The following KIAA1671 variants were observed in gnomAD, a reference collection of about 807,000 sequenced individuals.
The protein encoded by KIAA1671 is KIAA1671, also known as uncharacterized protein KIAA1671.
In KIAA1671, 52 loss-of-function variants were observed where a neutral mutation model predicts 131.2. That is an observed-to-expected ratio of 0.40 (90% CI 0.32 to 0.50). The LOEUF is 0.50. Ranked by LOEUF, KIAA1671 falls within the 20% of genes least tolerant of loss-of-function variation. The probability of loss-of-function intolerance (pLI) is 0.73; values close to 1 mark genes in which losing one functional copy is unlikely to be tolerated. For missense variants in KIAA1671, 2,360 were observed against 2,364.2 expected (o/e 1.00, Z 0.04); for synonymous variants, 1,003 against 961.6 (o/e 1.04, Z -0.80).
intron 6 of KIAA1671, among the ~76,000 whole-genome samples, chr22:25,103,567 C>T (rs1930824964): frequency 6.6e-6 from 1 of 152,118 alleles, no homozygotes; most frequent in African/African-American, 2.4e-5. Context: ...ACCGTGTTAG[C>T]CAGGATAGTC....
intron 1 of KIAA1671, among the ~76,000 whole-genome samples, chr22:24,963,232 C>T (rs1602028958): frequency 6.6e-6 from 1 of 151,752 alleles, no homozygotes; most frequent in African/African-American, 2.4e-5. Context: ...GGCTTTGTGG[C>T]GGACACCTGT....
intron 6 of KIAA1671, chr22:25,053,642 C>T (rs1927668848): frequency 6.6e-6 from 1 of 152,168 alleles, no homozygotes; most frequent in Non-Finnish European, 1.5e-5. Context: ...TTTTCTCCGT[C>T]AGCCTCCTGG....
At chr22:25,046,426 C>CTCTCCATCCCTTCCTG in intron 5 of KIAA1671, among the ~76,000 whole-genome samples, 1 of 152,224 alleles carries the variant, frequency 6.6e-6, no homozygotes, top group Non-Finnish European at 1.5e-5. Context: ...ATCCCTTCCT[C>CTCTCCATCCCTTCCTG]TCTCCATCCC....
chr22:25,147,068 T>A (rs1400229099), intron 6 of KIAA1671, among the ~76,000 whole-genome samples: 2 of 152,070 alleles, frequency 1.3e-5, no homozygotes, highest in Non-Finnish European at 2.9e-5. Context: ...GGAGGGAGGG[T>A]GAGGGATGCT....
chr22:25,008,195 CGCA>C (rs1158286227), intron 1 of KIAA1671, among the ~76,000 whole-genome samples: 3 of 32,830 alleles, frequency 9.1e-5, no homozygotes, highest in Non-Finnish European at 1.8e-4. Context: ...GAGACTCCGT[CGCA>C]AAAAAAAAAA....
At chr22:25,093,810 C>CTCTT (rs1930229621) in intron 6 of KIAA1671, among the ~76,000 whole-genome samples, 1 of 111,060 alleles carries the variant, frequency 9.0e-6, no homozygotes, top group African/African-American at 3.7e-5. Context: ...CTCTCTCTCT[C>CTCTT]TGTCTCTCTC....
intron 6 of KIAA1671, among the ~76,000 whole-genome samples, chr22:25,152,126 C>T (rs949563230): frequency 6.6e-6 from 1 of 152,174 alleles, no homozygotes; most frequent in Admixed American, 6.5e-5. Context: ...TTTCAGGTTA[C>T]GCCCACTTTA....
chr22:25,068,206 G>C (rs1404191759), intron 6 of KIAA1671, among the ~76,000 whole-genome samples: 6 of 150,926 alleles, frequency 4.0e-5, no homozygotes, highest in Admixed American at 6.6e-5. Flanking sequence ...CCTTCCGACT[G>C]TGCCATCAGG....
chr22:24,997,331 G>A (rs1274755488), intron 1 of KIAA1671, among the ~76,000 whole-genome samples: 1 of 152,188 alleles, frequency 6.6e-6, no homozygotes, highest in Non-Finnish European at 1.5e-5. Context: ...CACGAGTACT[G>A]ATGTCACTCA....
At chr22:25,177,667 C>A in intron 9 of KIAA1671, 145 bp downstream of exon 9, 1 of 671,632 alleles carries the variant, frequency 1.5e-6, no homozygotes, top group Non-Finnish European at 2.5e-6. Flanking sequence ...TTTTTCATGT[C>A]TTAAACACAC....
chr22:24,999,397 A>G (rs556958401), intron 1 of KIAA1671, among the ~76,000 whole-genome samples: 1 of 151,884 alleles, frequency 6.6e-6, no homozygotes, highest in Non-Finnish European at 1.5e-5. Context: ...TGCCTGGCTA[A>G]CTTTTCAATT....
chr22:25,007,656 T>C (rs1200386317), intron 1 of KIAA1671, among the ~76,000 whole-genome samples: 1 of 152,160 alleles, frequency 6.6e-6, no homozygotes, highest in Non-Finnish European at 1.5e-5. Flanking sequence ...CAGTTTATCG[T>C]TGCCATGGCA....
chr22:24,957,199 G>C (rs1032315844), intron 1 of KIAA1671, among the ~76,000 whole-genome samples: 8 of 152,082 alleles, frequency 5.3e-5, no homozygotes, highest in East Asian at 1.9e-4. Context: ...GTGTGTGTTG[G>C]GGGGAGAGAG....
chr22:25,142,098 A>AAAC (rs1932814907), intron 6 of KIAA1671, among the ~76,000 whole-genome samples: 2 of 152,204 alleles, frequency 1.3e-5, no homozygotes, highest in African/African-American at 2.4e-5. Flanking sequence ...ATGAGCTGCC[A>AAAC]GTTTCCCCAT....
intron 1 of KIAA1671, among the ~76,000 whole-genome samples, chr22:24,960,850 C>T (rs1308453770): frequency 6.6e-6 from 1 of 151,976 alleles, no homozygotes; most frequent in African/African-American, 2.4e-5. Context: ...CACACTCTTA[C>T]CACAGCTGTG....
intron 6 of KIAA1671, among the ~76,000 whole-genome samples, chr22:25,118,631 T>A (rs1181140721): frequency 6.6e-6 from 1 of 151,328 alleles, no homozygotes; most frequent in Non-Finnish European, 1.5e-5. Flanking sequence ...CCCCACACAC[T>A]CCCCACAGCT....
chr22:25,035,560 G>A (rs1341969740), intron 4 of KIAA1671, among the ~76,000 whole-genome samples: 1 of 152,186 alleles, frequency 6.6e-6, no homozygotes, highest in Non-Finnish European at 1.5e-5. Flanking sequence ...GGAGGCAGCG[G>A]TTTGCCCTGC....
At chr22:24,975,442 C>A (rs1922863783) in intron 1 of KIAA1671, among the ~76,000 whole-genome samples, 1 of 151,998 alleles carries the variant, frequency 6.6e-6, no homozygotes, top group Non-Finnish European at 1.5e-5. Flanking sequence ...CTTCAGCCTC[C>A]TAAGTAGCTG....
chr22:25,104,502 C>T lies in KIAA1671; in HGVS notation c.4530+55138C>T, dbSNP rs536979121. Among the ~76,000 whole-genome samples the T allele has an allele frequency of 4.6e-5, 7 of 152,278 alleles. No homozygotes were observed. In the East Asian group the frequency reaches 9.7e-4, roughly 21 times the overall value. On this transcript the variant is annotated intron_variant, in intron 6 of 12. Coordinates refer to ENST00000358431, the MANE Select transcript of KIAA1671 (RefSeq NM_001145206.2). ...CCAGAACTCCGAGGGCAAGACTGAACGTGCCCCGACTTCCTGGCCTTTGCA... is the reference window on the plus strand; with the variant it reads ...CCAGAACTCCGAGGGCAAGACTGAATGTGCCCCGACTTCCTGGCCTTTGCA...
Sources: allele counts gnomAD v4.1 joint callset (sites outside exome capture counted in the v4.1 genomes callset), GRCh38; gene constraint gnomAD v4.1.1; transcripts MANE v1.5; gene names NCBI Gene and HGNC (gene_info 2026-07-23, HGNC 2026-07-21).